Variants in SLC25A38 observed in about 807,000 individuals in gnomAD.
SLC25A38 encodes the protein mitochondrial glycine transporter.
In SLC25A38, 27 loss-of-function variants were observed where a neutral mutation model predicts 33.4. The ratio of observed to expected loss-of-function variants is 0.81; its 90% confidence interval spans 0.60 to 1.11. The LOEUF (loss-of-function observed/expected upper bound fraction) is 1.11. SLC25A38 is among the 50% of genes most tolerant of loss of function. The probability of loss-of-function intolerance (pLI) is 0.00; values close to 1 mark genes in which losing one functional copy is unlikely to be tolerated. For missense variants in SLC25A38, 344 were observed against 388.8 expected, an observed-to-expected ratio of 0.88 and a Z score of 0.97; for synonymous variants, 123 against 145.9, an observed-to-expected ratio of 0.84 and a Z score of 1.13.
intron 1 of SLC25A38, among the ~76,000 whole-genome samples, chr3:39,385,140 A>C (rs539712552): frequency 6.6e-6 from 1 of 152,208 alleles, no homozygotes; most frequent in Non-Finnish European, 1.5e-5. Context: ...CTCGCAAAGG[A>C]TGTGTGCCAT....
chr3:39,392,120 T>C, intron 5 of SLC25A38, 99 bp downstream of exon 5: 1 of 1,464,482 alleles, frequency 6.8e-7, no homozygotes, highest in Non-Finnish European at 9.5e-7. Flanking sequence ...CTTAGCAGAG[T>C]GTTAGGAACT....
Position 39,389,591 on chromosome 3 carries a change from C to G in SLC25A38, c.166C>G (p.Gln56Glu). Reference protein sequence around the residue: ...QPLDLLKTRLQTLQPSDHGSR... With the variant: ...QPLDLLKTRLETLQPSDHGSR... ...TCTGGATCTCCTTAAAACACGCCTG[C>G]AAACCCTCCAGCCCTCAGATCATGG... Residue 56 changes from glutamine to glutamate, a missense_variant, in exon 2 of 7, where the codon CAA (glutamine) becomes GAA (glutamate). By Grantham distance (29) the Gln-to-Glu change is conservative. Coordinates refer to ENST00000650617, the MANE Select transcript of SLC25A38 (RefSeq NM_017875.4). The surrounding 1 kb of genome is among the most constrained non-coding windows in gnomAD (Gnocchi z 4.5). 6.2e-7 allele frequency: 1 copy of G among 1,614,178 alleles called. No individual in the cohort carries two copies. The highest frequency in any genetic ancestry group is 1.1e-5 in the South Asian group (1 of 91,082).
intron 1 of SLC25A38, among the ~76,000 whole-genome samples, chr3:39,388,746 G>C (rs1325451748): frequency 6.6e-6 from 1 of 152,134 alleles, no homozygotes; most frequent in Non-Finnish European, 1.5e-5. Context: ...TAGGGGTCTG[G>C]AGAAAGGATG....
At chr3:39,388,764 G>A (rs890451594) in intron 1 of SLC25A38, among the ~76,000 whole-genome samples, 1 of 152,214 alleles carries the variant, frequency 6.6e-6, no homozygotes, top group South Asian at 2.1e-4. Context: ...ATGCTGTCCT[G>A]TAATGATAGC....
chr3:39,395,300 C>T (rs1166626365), intron 6 of SLC25A38, among the ~76,000 whole-genome samples: 6 of 152,010 alleles, frequency 3.9e-5, no homozygotes, highest in South Asian at 2.1e-4. Flanking sequence ...AGGCTGGGTG[C>T]GGTGGCTCAT....
Position 39,390,498 on chromosome 3 carries a change from G to T in SLC25A38, c.267G>T (p.Gly89=). ...AGAGTCTTTTGGGCCTTTGGAAAGG[G>T]ATGTCCCCTGTAAGCTGCCATCTGG... ...RTESLLGLWK[G]MSPSIVRCVP... is the part of the protein sequence containing the mutation. The change falls in exon 3 of 7, where the codon GGG becomes GGT. Residue 89 remains glycine, a synonymous_variant. Transcript: ENST00000650617. 6.2e-7 allele frequency: 1 copy of T among 1,614,096 alleles called. No individual in the cohort carries two copies. Among genetic ancestry groups the T allele is most frequent in the Non-Finnish European group, 8.5e-7 (1 of 1,180,018 alleles).
In SLC25A38 at chr3:39,391,965, C is replaced by T; in HGVS notation, c.569C>T (p.Pro190Leu). 6.2e-7 allele frequency: 1 copy of T among 1,614,188 alleles called. No individual in the cohort carries two copies. Among genetic ancestry groups the T allele is most frequent in the Non-Finnish European group, 8.5e-7 (1 of 1,180,032 alleles). ...ACAGCAACTCTCCTTCGAGATGCGC[C>T]CTTCTCAGGAATCTACCTGATGTTT... is the stretch of plus-strand genomic sequence containing the variant. The part of the protein sequence containing the change: ...GLTATLLRDA[P>L]FSGIYLMFYN... Residue 190 changes from proline (P) to leucine (L), a missense_variant, in exon 5 of 7, where the codon CCC becomes CTC. Physicochemically the swap from Pro to Leu is moderately conservative, Grantham distance 98. Transcript: ENST00000650617.
rs890069348 is a variant in SLC25A38 at position 39,391,960 on chromosome 3, T to C, written c.564T>C (p.Asp188=). 6.2e-7 allele frequency: 1 copy of C among 1,614,216 alleles called. No individual in the cohort carries two copies. Among genetic ancestry groups the C allele is most frequent in the East Asian group, 2.2e-5 (1 of 44,884 alleles). Residue 188 remains aspartate (D), a synonymous_variant, in exon 5 of 7, where the codon GAT becomes GAC. Transcript: ENST00000650617. ...FSGLTATLLR[D]APFSGIYLMF... is the part of the protein sequence containing the mutation. ...GCCTGACAGCAACTCTCCTTCGAGA[T>C]GCGCCCTTCTCAGGAATCTACCTGA...
Position 39,396,653 on chromosome 3 carries a change from T to C in SLC25A38, c.*133T>C. ...AGGCAGAAATTGTGTTGCCTTTGCCTTCAGTAATCCCCTTAAGGAGAAAAT... is the reference window on the plus strand; with the variant it reads ...AGGCAGAAATTGTGTTGCCTTTGCCCTCAGTAATCCCCTTAAGGAGAAAAT... On this transcript the variant is annotated 3_prime_UTR_variant, in exon 7 of 7. Transcript: ENST00000650617. The C allele has an allele frequency of 7.0e-7, 1 of 1,432,586 alleles. No homozygotes were observed. Among genetic ancestry groups the C allele is most frequent in the South Asian group, 1.2e-5 (1 of 85,462 alleles). The allele number at this position is 1,432,586 out of a possible 1,614,324, so 88.7% of individuals were successfully genotyped here. A position where few individuals can be genotyped will look rare whatever the true frequency, so the allele number is the denominator to read the frequency against.
rs1389934592 is a variant in SLC25A38 at position 39,383,438 on chromosome 3, C to A, written c.-287C>A. On this transcript the variant is annotated 5_prime_UTR_variant, in exon 1 of 7. Transcript: ENST00000650617. ...TCATCTCCTACGGTGCTGAAGCCTG[C>A]AGCAGGGCAGGATGGGCAGGAGAGC... 2.1e-6 allele frequency: 1 copy of A among 484,808 alleles called. No homozygotes were observed. The highest frequency in any genetic ancestry group is 3.8e-6 in the Non-Finnish European group (1 of 264,838). 30.0% of individuals were successfully genotyped at this position (484,808 alleles called of 1,614,324 possible).
At position 39,384,399 on chromosome 3, in the gene SLC25A38, C is replaced by T. The variant is rs78211223; in HGVS notation, c.69+606C>T. 2,210 of 329,758 alleles carry T rather than the reference C, an allele frequency of 6.7e-3. 47 individuals carry two copies. The highest frequency in any genetic ancestry group is 0.043 in the African/African-American group (2,027 of 47,262). The allele number at this position is 329,758 out of a possible 1,614,324, so 20.4% of individuals were successfully genotyped here. On this transcript the variant is annotated intron_variant, in intron 1 of 6. Transcript: ENST00000650617. ...AGGCGGGGCTGGCGGCGTGGTTGCC[C>T]GGTAGGTGGAGTCGGGGTGCAACCA...
rs2041838463 is a variant in SLC25A38, at chr3:39,396,963, C to T, written c.*443C>T. ...GAAGACTGGATGTGAGGAGAGGAGT[C>T]ACTGTCACCAGGTCACAGACTGACT... On this transcript the variant is annotated 3_prime_UTR_variant, in exon 7 of 7. Coordinates refer to ENST00000650617, the MANE Select transcript of SLC25A38 (RefSeq NM_017875.4). 1.1e-5 allele frequency: 3 copies of T among 280,478 alleles called. No homozygotes were observed. Among genetic ancestry groups the T allele is most frequent in the South Asian group, 7.8e-5 (2 of 25,712 alleles). 17.4% of individuals were successfully genotyped at this position (280,478 alleles called of 1,614,324 possible).
rs537724144 is a variant in SLC25A38 at position 39,390,004 on chromosome 3, G to A, written c.191+388G>A. Among the ~76,000 whole-genome samples the A allele has an allele frequency of 5.3e-5, 8 of 152,260 alleles. No individual in the cohort carries two copies. In the South Asian group the frequency reaches 1.5e-3, roughly 28 times the overall value. ...TGCCCAGATTGGAGTGCAGAGGTGC[G>A]ATCTCAGCTCACTGCAACCTCTGCC... On this transcript the variant is annotated intron_variant, in intron 2 of 6. Transcript: ENST00000650617.
rs2041840687 is a variant in SLC25A38 at position 39,397,110 on chromosome 3, T to C, written c.*590T>C. 2 of 165,044 alleles carry C rather than the reference T, an allele frequency of 1.2e-5. No individual in the cohort carries two copies. Among genetic ancestry groups the C allele is most frequent in the South Asian group, 3.1e-4 (2 of 6,442 alleles). 10.2% of individuals were successfully genotyped at this position (165,044 alleles called of 1,614,324 possible). ...GCCTCTGAATGTTCCAAATAAAATT[T>C]TTTGGTCTTGGCCCCTGTACTGTTT... On this transcript the variant is annotated 3_prime_UTR_variant, in exon 7 of 7. Transcript: ENST00000650617.
intron 1 of SLC25A38, among the ~76,000 whole-genome samples, chr3:39,387,608 C>A (rs980867647): frequency 6.6e-6 from 1 of 152,120 alleles, no homozygotes; most frequent in African/African-American, 2.4e-5. Flanking sequence ...CCATTTTGGA[C>A]ATGTTGAATT....
At chr3:39,388,739 G>T (rs1268498459) in intron 1 of SLC25A38, among the ~76,000 whole-genome samples, 1 of 151,964 alleles carries the variant, frequency 6.6e-6, no homozygotes, top group Non-Finnish European at 1.5e-5. Flanking sequence ...TGGGTTCTAG[G>T]GGTCTGGAGA....
In SLC25A38 at chr3:39,389,301, C is replaced by T; in HGVS notation, c.70-194C>T. 5 of 840,428 alleles carry T rather than the reference C, an allele frequency of 5.9e-6. No homozygotes were observed. The highest frequency in any genetic ancestry group is 5.7e-5 in the South Asian group (4 of 70,296). The allele number at this position is 840,428 out of a possible 1,614,324, so 52.1% of individuals were successfully genotyped here. On this transcript the variant is annotated intron_variant, in intron 1 of 6. Coordinates refer to ENST00000650617, the MANE Select transcript of SLC25A38 (RefSeq NM_017875.4). This position sits in a 1 kb window ranked among gnomAD's most constrained non-coding sequence, Gnocchi z 4.5. ...GACCAGAGATACCTCTTGCAGCATCCAATGTCCTCAATAACATTGCAGTAT... is the reference window on the plus strand; with the variant it reads ...GACCAGAGATACCTCTTGCAGCATCTAATGTCCTCAATAACATTGCAGTAT...
intron 1 of SLC25A38, chr3:39,384,303 G>A (rs1373115652): frequency 4.8e-6 from 1 of 207,624 alleles, no homozygotes; most frequent in Non-Finnish European, 9.5e-6. Context: ...GTCCCCCAGC[G>A]ACGCCACGCC....
At chr3:39,394,282 T>G in intron 5 of SLC25A38, 128 bp from the exon 6 acceptor site, 1 of 1,210,106 alleles carries the variant, frequency 8.3e-7, no homozygotes, top group Non-Finnish European at 1.2e-6. Context: ...CCTTTAAGTT[T>G]TGAATTCGTA....
Sources: allele counts gnomAD v4.1 joint callset (sites outside exome capture counted in the v4.1 genomes callset), GRCh38; gene constraint gnomAD v4.1.1; non-coding constraint Gnocchi (gnomAD v3.1); transcripts MANE v1.5; gene names NCBI Gene and HGNC (gene_info 2026-07-23, HGNC 2026-07-21).